BDP1: variants seen among roughly 807,000 people sequenced by gnomAD.
BDP1 encodes the protein transcription factor TFIIIB component B'' homolog.
BDP1 carries 169 observed loss-of-function variants against 266.6 expected under a neutral mutation model. That is an observed-to-expected ratio of 0.63 (90% CI 0.56 to 0.72). The LOEUF (loss-of-function observed/expected upper bound fraction) is 0.72, where lower values mean the gene tolerates loss of function less well. Among genes scored for constraint, BDP1 ranks in the 30% least tolerant of loss-of-function variants. BDP1 has a pLI of 0.00. For missense variants in BDP1, 3,015 were observed against 3,053.8 expected, an observed-to-expected ratio of 0.99 and a Z score of 0.30; for synonymous variants, 1,090 against 1,022.4, an observed-to-expected ratio of 1.07 and a Z score of -1.26.
chr5:71,525,680 C>CG (rs542657547), intron 25 of BDP1, among the ~76,000 whole-genome samples: 45,774 of 107,430 alleles, frequency 0.43, 11,211 homozygotes, highest in South Asian at 0.53. Context: ...GCTGGCCGGG[C>CG]GGGGGGCTGA....
At chr5:71,475,222 C>G (rs773242589) in intron 7 of BDP1, among the ~76,000 whole-genome samples, 2 of 152,136 alleles carry the variant, frequency 1.3e-5, no homozygotes, top group Non-Finnish European at 2.9e-5. Flanking sequence ...ATCCTCCCAC[C>G]TCGGCTTCCT....
At chr5:71,457,481 A>G (rs2150338832) in intron 1 of BDP1, among the ~76,000 whole-genome samples, 1 of 151,412 alleles carries the variant, frequency 6.6e-6, no homozygotes, top group Admixed American at 6.6e-5. Context: ...ACGCCCAACT[A>G]ATTTTTGTAT....
At chr5:71,525,368 TG>T (rs1765747148) in intron 25 of BDP1, among the ~76,000 whole-genome samples, 1 of 133,874 alleles carries the variant, frequency 7.5e-6, no homozygotes, top group South Asian at 2.7e-4. Context: ...ACCTCCCGGA[TG>T]GGGCGGCTGG....
At chr5:71,562,160 T>C in intron 37 of BDP1, 114 bp from the exon 38 acceptor site, 1 of 1,034,954 alleles carries the variant, frequency 9.7e-7, no homozygotes, top group Non-Finnish European at 1.3e-6. Context: ...ATTGCGCCAC[T>C]GCACTCCAGC....
intron 34 of BDP1, among the ~76,000 whole-genome samples, chr5:71,551,030 G>A (rs945387166): frequency 2.6e-5 from 4 of 151,886 alleles, no homozygotes; most frequent in Non-Finnish European, 4.4e-5. Context: ...TAGGTTAAAC[G>A]TTTAACTTTA....
At chr5:71,471,076 T>C (rs919092715) in intron 7 of BDP1, among the ~76,000 whole-genome samples, 1 of 150,578 alleles carries the variant, frequency 6.6e-6, no homozygotes, top group Admixed American at 6.7e-5. Flanking sequence ...AACTAAGATA[T>C]AAGAAGAGTT....
At chr5:71,517,543 A>G (rs1765285742) in intron 22 of BDP1, 91 bp downstream of exon 22, 1 of 1,114,910 alleles carries the variant, frequency 9.0e-7, no homozygotes, top group Non-Finnish European at 1.3e-6. Context: ...ATAACTTCAC[A>G]TCCTGAAAAT....
intron 22 of BDP1, among the ~76,000 whole-genome samples, chr5:71,521,572 G>A (rs572723994): frequency 2.0e-5 from 3 of 152,102 alleles, no homozygotes; most frequent in African/African-American, 2.4e-5. Context: ...GATTACAGGC[G>A]TGAGCCACCG....
At chr5:71,485,794 G>C (rs919290402) in intron 8 of BDP1, among the ~76,000 whole-genome samples, 1 of 152,126 alleles carries the variant, frequency 6.6e-6, no homozygotes, top group Non-Finnish European at 1.5e-5. Flanking sequence ...ATGGTGAAAT[G>C]GTTGTGATAA....
rs898798737 is a variant in BDP1, at chr5:71,470,221, G to T, written c.920-174G>T. Among the ~76,000 whole-genome samples the T allele has an allele frequency of 2.0e-5, 3 of 152,132 alleles. No homozygotes were observed. The East Asian group carries it at 5.8e-4, about 29-fold the overall frequency. ...TGGGATTATAGGTGTGAGCCACCATGCCCAGCCTACGATTTCTTATACTGA... is the reference window on the plus strand; with the variant it reads ...TGGGATTATAGGTGTGAGCCACCATTCCCAGCCTACGATTTCTTATACTGA... On this transcript the variant is annotated intron_variant, in intron 6 of 38. Transcript: ENST00000358731.
At chr5:71,561,967 G>A (rs943866050) in intron 37 of BDP1, among the ~76,000 whole-genome samples, 1 of 152,062 alleles carries the variant, frequency 6.6e-6, no homozygotes, top group Non-Finnish European at 1.5e-5. Flanking sequence ...TGTCTTGGCT[G>A]GGTGCGGTGG....
intron 38 of BDP1, among the ~76,000 whole-genome samples, chr5:71,563,803 T>C (rs192645395): frequency 9.9e-5 from 15 of 152,224 alleles, no homozygotes; most frequent in African/African-American, 3.4e-4. Context: ...TCCCAGCTAC[T>C]TGGGAGGCTG....
At chr5:71,470,524 G>A (rs746452852) in intron 7 of BDP1, 35 bp downstream of exon 7, 1 of 1,320,092 alleles carries the variant, frequency 7.6e-7, no homozygotes, top group Non-Finnish European at 1.1e-6. Context: ...TGATTGGAAA[G>A]AGACCAAACA....
In BDP1 at chr5:71,540,483, A is replaced by G. The variant is rs1480922229; in HGVS notation, c.6022+834A>G. On this transcript the variant is annotated intron_variant, in intron 28 of 38. Coordinates refer to ENST00000358731, the MANE Select transcript of BDP1 (RefSeq NM_018429.3). Reference sequence around the variant, plus strand: ...GTTGGGATTACAATCGCATGCCACCATGCCCAGCTAATTTTTGTATTTTTA... The same window carrying G: ...GTTGGGATTACAATCGCATGCCACCGTGCCCAGCTAATTTTTGTATTTTTA... Among the ~76,000 whole-genome samples the G allele has an allele frequency of 2.6e-5, 4 of 152,102 alleles. No homozygotes were observed. In the East Asian group the frequency reaches 7.8e-4, roughly 30 times the overall value.
intron 13 of BDP1, among the ~76,000 whole-genome samples, chr5:71,500,207 T>C (rs569421909): frequency 1.3e-5 from 2 of 152,204 alleles, no homozygotes; most frequent in South Asian, 4.1e-4. Flanking sequence ...CTTATGTTTA[T>C]TGAATTGTAG....
chr5:71,466,972 T>G (rs1761945363), intron 5 of BDP1, among the ~76,000 whole-genome samples: 4 of 152,188 alleles, frequency 2.6e-5, no homozygotes, highest in African/African-American at 9.6e-5. Flanking sequence ...CTGCTTTCTC[T>G]GCAGGAATGT....
chr5:71,513,556 CTCATTGTTCCACATAA>C, intron 19 of BDP1, 149 bp downstream of exon 19: 1 of 616,618 alleles, frequency 1.6e-6, no homozygotes, highest in South Asian at 2.3e-5. Flanking sequence ...CTTAATGTGC[CTCATTGTTCCACATAA>C]TTTGTGTAAG....
chr5:71,494,155 A>G (rs1763745141), intron 11 of BDP1, among the ~76,000 whole-genome samples: 1 of 152,180 alleles, frequency 6.6e-6, no homozygotes, highest in Admixed American at 6.5e-5. Context: ...TGATCGGGAG[A>G]TTTTATGTGT....
intron 8 of BDP1, among the ~76,000 whole-genome samples, chr5:71,484,642 T>C (rs1416232040): frequency 6.6e-6 from 1 of 152,182 alleles, no homozygotes. Flanking sequence ...GAGAAAGATA[T>C]CAAAGGATCT....
Sources: gnomAD v4.1 joint callset for allele counts (sites outside exome capture counted in the v4.1 genomes callset) on GRCh38, gnomAD v4.1.1 for gene constraint, MANE v1.5 for transcripts, NCBI Gene and HGNC (gene_info 2026-07-23, HGNC 2026-07-21) for gene names.